Variants in MTFR1 observed in about 807,000 individuals in gnomAD.
MTFR1 encodes the protein mitochondrial fission regulator 1, also known as chondrocyte protein with a poly-proline region.
MTFR1 carries 28 observed loss-of-function variants against 38.8 expected under a neutral mutation model. That is an observed-to-expected ratio of 0.72 (90% CI 0.53 to 0.99). The LOEUF (loss-of-function observed/expected upper bound fraction) is 0.99, where lower values mean the gene tolerates loss of function less well. MTFR1 is among the 50% of genes least tolerant of loss of function. The pLI is 0.00. For synonymous variants in MTFR1, 145 were observed against 137.0 expected (o/e 1.06, Z -0.41); for missense variants, 358 against 395.5 (o/e 0.91, Z 0.81).
chr8:65,764,573 A>C (rs1808674069), intron 3 of MTFR1, among the ~76,000 whole-genome samples: 1 of 152,234 alleles, frequency 6.6e-6, no homozygotes, highest in South Asian at 2.1e-4. Flanking sequence ...CTATTTGTAC[A>C]CCTAAAGAAA....
At chr8:65,743,127 TGA>T (rs139902037) in intron 3 of MTFR1, among the ~76,000 whole-genome samples, 3,642 of 152,300 alleles carry the variant, frequency 0.024, 139 homozygotes, top group African/African-American at 0.082. Flanking sequence ...CTATGAGCTG[TGA>T]GAGTTTATGT....
intron 2 of MTFR1, among the ~76,000 whole-genome samples, chr8:65,716,155 A>AAC (rs1378755294): frequency 6.6e-6 from 1 of 151,556 alleles, no homozygotes; most frequent in Admixed American, 6.6e-5. Context: ...TCTCAAAAAA[A>AAC]AAAAAAAACA....
downstream of MTFR1, among the ~76,000 whole-genome samples, chr8:65,772,346 T>C (rs2128921179): frequency 6.6e-6 from 1 of 152,348 alleles, no homozygotes; most frequent in South Asian, 2.1e-4. Flanking sequence ...TTTAATTCTA[T>C]ACAAGGTAGA....
At chr8:65,711,100 C>T (rs1805932530), downstream of MTFR1, among the ~76,000 whole-genome samples, 2 of 152,024 alleles carry the variant, frequency 1.3e-5, no homozygotes. Flanking sequence ...TTTATCTTTA[C>T]TTTTGCATTA....
chr8:65,761,701 C>T (rs891887307), intron 3 of MTFR1, among the ~76,000 whole-genome samples: 4 of 152,214 alleles, frequency 2.6e-5, no homozygotes, highest in African/African-American at 7.2e-5. Context: ...TTAGTGATCA[C>T]GGGTATTACT....
At chr8:65,772,745 T>C (rs1276002970), downstream of MTFR1, among the ~76,000 whole-genome samples, 1 of 152,248 alleles carries the variant, frequency 6.6e-6, no homozygotes, top group Non-Finnish European at 1.5e-5. Flanking sequence ...GGTTCATGCC[T>C]GTAATCCCAG....
intron 1 of MTFR1, among the ~76,000 whole-genome samples, chr8:65,651,319 T>C (rs1349736091): frequency 6.6e-6 from 1 of 152,234 alleles, no homozygotes; most frequent in East Asian, 1.9e-4. Flanking sequence ...ATTTGTCCTT[T>C]TTTTGCTTTG....
At chr8:65,759,643 AGT>A (rs1808401164) in intron 3 of MTFR1, among the ~76,000 whole-genome samples, 1 of 152,224 alleles carries the variant, frequency 6.6e-6, no homozygotes, top group Non-Finnish European at 1.5e-5. Context: ...TAGTTGTTTC[AGT>A]GGAGAGATCA....
intron 3 of MTFR1, among the ~76,000 whole-genome samples, chr8:65,759,688 T>C (rs1402568150): frequency 1.3e-5 from 2 of 152,212 alleles, no homozygotes; most frequent in East Asian, 1.9e-4. Flanking sequence ...TCATTTTGAA[T>C]GGCATTCACC....
chr8:65,735,714 C>T (rs1259144915), intron 3 of MTFR1, among the ~76,000 whole-genome samples: 1 of 152,156 alleles, frequency 6.6e-6, no homozygotes, highest in East Asian at 1.9e-4. Context: ...CAACGCCCAC[C>T]TCCTGAGTTC....
rs201934450 is a variant in MTFR1, at chr8:65,664,957, A to G, written c.-80-4916A>G. On this transcript the variant is annotated intron_variant, in intron 1 of 7. Coordinates refer to ENST00000262146, the MANE Select transcript of MTFR1 (RefSeq NM_014637.4). The stretch of plus-strand genomic sequence containing the variant: ...AATTTTTTTTTTTTTTTTTTTTTAG[A>G]CAGAGTCTTGCTCTGTCACCAGGCC... Among the ~76,000 whole-genome samples the G allele has an allele frequency of 1.4e-4, 19 of 131,204 alleles. 1 individual carries two copies. Among genetic ancestry groups the G allele is most frequent in the African/African-American group, 5.5e-4 (19 of 34,712 alleles). 86.1% of individuals were successfully genotyped at this position (131,204 alleles called of 152,430 possible). A position where few individuals can be genotyped will look rare whatever the true frequency, so the allele number is the denominator to read the frequency against.
intron 3 of MTFR1, chr8:65,724,901 A>G (rs1806546107): frequency 1.2e-6 from 2 of 1,603,602 alleles, no homozygotes; most frequent in Non-Finnish European, 1.7e-6. Flanking sequence ...CAGAGCACCT[A>G]TCTGTGTCTC....
At chr8:65,684,989 A>G (rs1805029168) in intron 3 of MTFR1, among the ~76,000 whole-genome samples, 1 of 152,148 alleles carries the variant, frequency 6.6e-6, no homozygotes, top group African/African-American at 2.4e-5. Context: ...GGGCAATAAG[A>G]GTGAAACTCT....
intron 3 of MTFR1, chr8:65,727,170 C>CT: frequency 6.5e-7 from 1 of 1,544,892 alleles, no homozygotes; most frequent in Non-Finnish European, 8.9e-7. Context: ...TTGCACTAAC[C>CT]TTGTATAAAG....
chr8:65,757,947 T>C (rs770952149), intron 3 of MTFR1, among the ~76,000 whole-genome samples: 2 of 152,194 alleles, frequency 1.3e-5, no homozygotes, highest in African/African-American at 2.4e-5. Context: ...AATATTTGAT[T>C]TCCCTCAATT....
At chr8:65,670,582 C>T (rs1314511353) in intron 2 of MTFR1, among the ~76,000 whole-genome samples, 2 of 151,882 alleles carry the variant, frequency 1.3e-5, no homozygotes, top group African/African-American at 4.8e-5. Flanking sequence ...AGTATTGTGC[C>T]AAGTACATTT....
chr8:65,707,370 TA>T, intron 6 of MTFR1, 114 bp downstream of exon 6: 54 of 1,145,412 alleles, frequency 4.7e-5, no homozygotes, highest in Non-Finnish European at 5.4e-5. Context: ...GTTTTTAGTT[TA>T]AAAAAAAGAT....
chr8:65,651,963 A>ATTT (rs142634799), intron 1 of MTFR1, among the ~76,000 whole-genome samples: 1 of 142,222 alleles, frequency 7.0e-6, no homozygotes, highest in African/African-American at 2.6e-5. Context: ...GCCCCCTTTA[A>ATTT]TTTTTTTTTT....
chr8:65,696,539 C>A (rs557251065), intron 4 of MTFR1, among the ~76,000 whole-genome samples: 27 of 152,314 alleles, frequency 1.8e-4, no homozygotes, highest in African/African-American at 6.0e-4. Context: ...TATAGCCACA[C>A]ATACTTCTCT....
Sources: gnomAD v4.1 joint callset for allele counts (sites outside exome capture counted in the v4.1 genomes callset) on GRCh38, gnomAD v4.1.1 for gene constraint, MANE v1.5 for transcripts, NCBI Gene and HGNC (gene_info 2026-07-23, HGNC 2026-07-21) for gene names.